Variants in SUSD4 observed in about 807,000 individuals in gnomAD.
The protein encoded by SUSD4 is sushi domain containing 4, also known as sushi domain-containing protein 4.
In SUSD4, 41 loss-of-function variants were observed where a neutral mutation model predicts 50.5. That is an observed-to-expected ratio of 0.81 (90% CI 0.63 to 1.05). SUSD4 has a LOEUF of 1.05. Ranked by LOEUF, SUSD4 falls within the 50% of genes least tolerant of loss-of-function variation. SUSD4 has a pLI of 0.00. For missense variants in SUSD4, 580 were observed against 634.7 expected (o/e 0.91, Z 0.93); for synonymous variants, 257 against 257.3 (o/e 1.00, Z 0.01).
rs202240339 is a variant in SUSD4 at position 223,295,839 on chromosome 1, T to TAA, written c.149-3190_149-3189dup. Among the ~76,000 whole-genome samples the TAA allele has an allele frequency of 4.6e-3, 542 of 116,796 alleles. 8 individuals are homozygous for TAA. The highest frequency in any genetic ancestry group is 0.015 in the African/African-American group (492 of 32,028). 76.6% of individuals were successfully genotyped at this position (116,796 alleles called of 152,430 possible). On this transcript the variant is annotated intron_variant, in intron 2 of 8. Coordinates refer to ENST00000366878, the MANE Select transcript of SUSD4 (RefSeq NM_017982.4). ...CACATGTACCCTAGAACTTAAAGTA[T>TAA]AAAAAAAAAAAAAAAGACTGAGAGG...
At chr1:223,301,350 T>C (rs1008589045) in intron 2 of SUSD4, among the ~76,000 whole-genome samples, 6 of 152,174 alleles carry the variant, frequency 3.9e-5, no homozygotes, top group African/African-American at 1.2e-4. Flanking sequence ...AGGCAGTCAG[T>C]TCTCAAACAT....
chr1:223,363,379 T>C lies in SUSD4; in HGVS notation c.47A>G (p.Gln16Arg). The change falls in exon 2 of 9, where the codon CAG becomes CGG. Residue 16 changes from glutamine (Q) to arginine (R), a missense_variant. Gln to Arg is a conservative substitution (Grantham distance 43). Coordinates refer to ENST00000366878, the MANE Select transcript of SUSD4 (RefSeq NM_017982.4). ...NPSNGDGFLE[Q>R]QQQQQQPQSP... ...CTGAGGTTGCTGCTGCTGCTGCTGC[T>C]GCTCTAGAAATCCATCTCCATTGCT... 6.3e-7 allele frequency: 1 copy of C among 1,592,126 alleles called. No individual in the cohort carries two copies. The highest frequency in any genetic ancestry group is 8.6e-7 in the Non-Finnish European group (1 of 1,169,224).
chr1:223,273,755 C>G (rs1663075506), intron 3 of SUSD4, among the ~76,000 whole-genome samples: 1 of 152,202 alleles, frequency 6.6e-6, no homozygotes, highest in African/African-American at 2.4e-5. Context: ...GTTGTCAACA[C>G]TTCGTGTATA....
rs143193274 is a variant in SUSD4 at position 223,363,315 on chromosome 1, C to A, written c.111G>T (p.Gln37His). ...GTGCAGGGCCGAAGCACAGCGCCAGCTGAAACCACAGGATCACGGCCAAGA... is the reference window on the plus strand; with the variant it reads ...GTGCAGGGCCGAAGCACAGCGCCAGATGAAACCACAGGATCACGGCCAAGA... ...QRLLAVILWF[Q>H]LALCFGPAQL... The change falls in exon 2 of 9, where the codon CAG becomes CAT. Residue 37 changes from glutamine (Q) to histidine (H), a missense_variant. By Grantham distance (24) the Gln-to-His change is conservative (BLOSUM62 0). Transcript: ENST00000366878. 15 of 1,610,702 alleles carry A rather than the reference C, an allele frequency of 9.3e-6. No homozygotes were observed. Among genetic ancestry groups the A allele is most frequent in the Non-Finnish European group, 1.3e-5 (15 of 1,178,722 alleles).
chr1:223,315,266 G>A (rs184144173), intron 2 of SUSD4, among the ~76,000 whole-genome samples: 9 of 152,350 alleles, frequency 5.9e-5, no homozygotes, highest in Admixed American at 3.3e-4. Flanking sequence ...TTAGGAGGAC[G>A]TTAGAAGGTT....
intron 5 of SUSD4, among the ~76,000 whole-genome samples, chr1:223,236,704 T>C (rs1249423433): frequency 1.3e-5 from 2 of 152,156 alleles, no homozygotes; most frequent in Admixed American, 1.3e-4. Context: ...TTGTGTTCCA[T>C]TGATCTATTT....
intron 2 of SUSD4, among the ~76,000 whole-genome samples, chr1:223,322,150 G>A (rs938304710): frequency 6.6e-6 from 1 of 152,200 alleles, no homozygotes; most frequent in East Asian, 1.9e-4. Flanking sequence ...ATATGAGATT[G>A]TGAGATATTT....
intron 5 of SUSD4, among the ~76,000 whole-genome samples, chr1:223,243,909 G>A (rs1660750489): frequency 6.6e-6 from 1 of 152,190 alleles, no homozygotes; most frequent in Non-Finnish European, 1.5e-5. Flanking sequence ...TGAAATAAGA[G>A]CCTCTTTATT....
chr1:223,321,703 T>TA (rs1443429841), intron 2 of SUSD4, among the ~76,000 whole-genome samples: 2 of 152,196 alleles, frequency 1.3e-5, no homozygotes, highest in Non-Finnish European at 2.9e-5. Flanking sequence ...GGCAATCTGG[T>TA]GAAGCACATG....
In SUSD4 at chr1:223,363,347, G is replaced by A. The variant is rs1266384273; in HGVS notation, c.79C>T (p.Gln27Ter). 1.2e-6 allele frequency: 2 copies of A among 1,609,096 alleles called. No individual in the cohort carries two copies. The highest frequency in any genetic ancestry group is 1.7e-6 in the Non-Finnish European group (2 of 1,178,018). ...CACAGGATCACGGCCAAGAGTCTCTGGGGGGACTGAGGTTGCTGCTGCTGC... is the reference window on the plus strand; with the variant it reads ...CACAGGATCACGGCCAAGAGTCTCTAGGGGGACTGAGGTTGCTGCTGCTGC... ...QQQQQQPQSP[Q>*]RLLAVILWFQ... Residue 27 changes from glutamine to a stop codon, truncating the protein, a stop_gained, in exon 2 of 9, where the codon CAG (glutamine) becomes TAG (stop). Coordinates refer to ENST00000366878, the MANE Select transcript of SUSD4 (RefSeq NM_017982.4). LOFTEE classifies it high-confidence loss of function.
chr1:223,240,839 A>G (rs527649198), intron 5 of SUSD4, among the ~76,000 whole-genome samples: 23 of 152,256 alleles, frequency 1.5e-4, no homozygotes, highest in Admixed American at 5.2e-4. Context: ...GCCTTTTAAT[A>G]TCTCTTGTAG....
intron 5 of SUSD4, chr1:223,263,959 C>T (rs777332794): frequency 1.2e-4 from 114 of 985,316 alleles, no homozygotes; most frequent in Non-Finnish European, 1.3e-4. Context: ...TTGTTCTCTT[C>T]GGGCATACTT....
intron 2 of SUSD4, among the ~76,000 whole-genome samples, chr1:223,356,414 CTTTT>C (rs910180617): frequency 6.9e-6 from 1 of 144,654 alleles, no homozygotes; most frequent in Non-Finnish European, 1.5e-5. Flanking sequence ...ATTTCTTTTT[CTTTT>C]TTTTTTTTCA....
intron 2 of SUSD4, 115 bp downstream of exon 2, chr1:223,363,163 A>C: frequency 8.1e-7 from 1 of 1,238,876 alleles, no homozygotes; most frequent in Non-Finnish European, 1.0e-6. Flanking sequence ...TCGCGTTGTC[A>C]GATCCTCCTG....
intron 3 of SUSD4, among the ~76,000 whole-genome samples, chr1:223,273,347 C>T (rs1034779345): frequency 6.6e-6 from 1 of 152,142 alleles, no homozygotes; most frequent in Non-Finnish European, 1.5e-5. Context: ...TGATTTATAT[C>T]CTCAAAGGGT....
chr1:223,283,310 G>A (rs1157567897), intron 3 of SUSD4, among the ~76,000 whole-genome samples: 1 of 152,088 alleles, frequency 6.6e-6, no homozygotes, highest in East Asian at 1.9e-4. Context: ...CAGAATGGGA[G>A]AAAATTTTTG....
At chr1:223,363,917 T>C in intron 1 of SUSD4, 140 bp downstream of exon 1, 1 of 147,666 alleles carries the variant, frequency 6.8e-6, no homozygotes, top group Non-Finnish European at 1.5e-5. Context: ...ACTGCCCCAG[T>C]CCCCAGTGAG....
chr1:223,235,025 C>G, intron 5 of SUSD4: 3 of 1,610,112 alleles, frequency 1.9e-6, no homozygotes, highest in Non-Finnish European at 2.5e-6. Context: ...TAACACAGGG[C>G]AAAAATAAAG....
intron 5 of SUSD4, among the ~76,000 whole-genome samples, chr1:223,255,681 T>A (rs1156826599): frequency 1.3e-5 from 2 of 152,150 alleles, no homozygotes; most frequent in Non-Finnish European, 2.9e-5. Flanking sequence ...GGGCAGAGCT[T>A]AGGGCAAGCA....
Sources: gnomAD v4.1 joint callset for allele counts (sites outside exome capture counted in the v4.1 genomes callset) on GRCh38, gnomAD v4.1.1 for gene constraint, MANE v1.5 for transcripts, NCBI Gene and HGNC (gene_info 2026-07-23, HGNC 2026-07-21) for gene names.